PCDHA7: variants seen among roughly 807,000 people sequenced by gnomAD.
PCDHA7 encodes the protein protocadherin alpha-7.
Under a neutral mutation model 57.2 loss-of-function variants are expected in PCDHA7, and 37 were observed. The observed-to-expected ratio is 0.65, with a 90% CI of 0.50 to 0.85. The LOEUF is 0.85. PCDHA7 is among the 40% of genes least tolerant of loss of function. The pLI is 0.00. For missense variants in PCDHA7, 1,188 were observed against 1,241.8 expected (o/e 0.96, Z 0.65); for synonymous variants, 553 against 558.8 (o/e 0.99, Z 0.15).
intron 1 of PCDHA7, chr5:140,870,539 G>C (rs367673976): frequency 1.2e-5 from 20 of 1,614,040 alleles, no homozygotes; most frequent in Admixed American, 1.7e-5. Context: ...GTGTCGGCGC[G>C]GGACGCGGAC....
intron 1 of PCDHA7, among the ~76,000 whole-genome samples, chr5:140,846,505 G>A (rs1780519041): frequency 6.8e-6 from 1 of 146,968 alleles, no homozygotes; most frequent in Non-Finnish European, 1.5e-5. Flanking sequence ...CTCCCAAGTA[G>A]CTGGGATTAC....
intron 1 of PCDHA7, chr5:140,849,563 G>A: frequency 1.9e-6 from 3 of 1,598,488 alleles, no homozygotes; most frequent in Non-Finnish European, 2.6e-6. Flanking sequence ...AAACGCTCTC[G>A]GTTCCTGTAA....
chr5:140,884,490 G>A (rs2060210547), intron 1 of PCDHA7: 1 of 1,614,064 alleles, frequency 6.2e-7, no homozygotes, highest in Non-Finnish European at 8.5e-7. Flanking sequence ...ACTCTAGTGT[G>A]CTCCAGCGCG....
At chr5:140,861,743 C>T in intron 1 of PCDHA7, 1 of 152,806 alleles carries the variant, frequency 6.5e-6, no homozygotes, top group Non-Finnish European at 1.4e-5. Context: ...CATACTGTGC[C>T]GCAATGATTA....
chr5:140,955,595 A>G (rs1366870361), intron 1 of PCDHA7, among the ~76,000 whole-genome samples: 1 of 152,194 alleles, frequency 6.6e-6, no homozygotes, highest in Admixed American at 6.5e-5. Context: ...TCTTTCTTTT[A>G]TAAATTACCC....
At chr5:140,848,343 C>G (rs1581147757) in intron 1 of PCDHA7, 14 of 898,934 alleles carry the variant, frequency 1.6e-5, no homozygotes, top group Non-Finnish European at 2.1e-5. Context: ...CAGACAAATA[C>G]AGCCCTTTTC....
chr5:140,891,921 C>G (rs1405172226), intron 1 of PCDHA7, among the ~76,000 whole-genome samples: 1 of 152,234 alleles, frequency 6.6e-6, no homozygotes, highest in African/African-American at 2.4e-5. Flanking sequence ...ATGCTGGTGC[C>G]TTGATCTTGG....
chr5:140,837,762 A>G (rs1775250265), intron 1 of PCDHA7, among the ~76,000 whole-genome samples: 2 of 151,650 alleles, frequency 1.3e-5, no homozygotes, highest in Non-Finnish European at 2.9e-5. Context: ...CTGCAACCTG[A>G]AAGTCCTGGG....
At chr5:140,863,601 A>G (rs781889102) in intron 1 of PCDHA7, 1 of 355,024 alleles carries the variant, frequency 2.8e-6, no homozygotes, top group Non-Finnish European at 5.6e-6. Flanking sequence ...TTTCATTCCT[A>G]TTAATGTCCC....
rs949986485 is a variant in PCDHA7 at position 140,855,050 on chromosome 5, T to C, written c.2355+18312T>C. Among the ~76,000 whole-genome samples the C allele has an allele frequency of 5.5e-4, 83 of 150,048 alleles. 4 individuals are homozygous for C. The highest frequency in any genetic ancestry group is 1.9e-3 in the African/African-American group (78 of 41,034). On this transcript the variant is annotated intron_variant, in intron 1 of 3. Transcript: ENST00000525929. ...ATAAAGGATTTTTCTGTAATAGTAC[T>C]TTTCTGTTTTCTTAAATACAGAAAC... is the stretch of plus-strand genomic sequence containing the variant.
chr5:140,971,718 G>A (rs1554233569), intron 1 of PCDHA7, among the ~76,000 whole-genome samples: 3 of 151,796 alleles, frequency 2.0e-5, no homozygotes, highest in Non-Finnish European at 2.9e-5. Flanking sequence ...ATAGATATAT[G>A]TATATCATAC....
intron 1 of PCDHA7, chr5:140,841,300 T>C (rs1305687765): frequency 9.6e-6 from 15 of 1,568,478 alleles, no homozygotes; most frequent in African/African-American, 4.1e-5. Flanking sequence ...TAATATTTTC[T>C]GATAGGAAAC....
chr5:140,841,845 A>G, intron 1 of PCDHA7: 1 of 1,613,930 alleles, frequency 6.2e-7, no homozygotes, highest in Non-Finnish European at 8.5e-7. Context: ...CTTAGCTCTC[A>G]TGATTACTTC....
rs2150304405 is a variant in PCDHA7, at chr5:140,840,185, G to A, written c.2355+3447G>A. On this transcript the variant is annotated intron_variant, in intron 1 of 3. Transcript: ENST00000525929. The stretch of plus-strand genomic sequence containing the variant: ...GGGATGTATACAAATTTTAAATATG[G>A]TAGGCAAAGGAAAAGAAGTCATAAA... 1.2e-3 allele frequency among the ~76,000 whole-genome samples: 185 copies of A among 152,064 alleles called. 3 individuals carry two copies. The highest frequency in any genetic ancestry group is 4.4e-3 in the African/African-American group (182 of 41,478).
chr5:140,938,092 A>G (rs1255638035), intron 1 of PCDHA7, among the ~76,000 whole-genome samples: 4 of 152,034 alleles, frequency 2.6e-5, no homozygotes, highest in African/African-American at 9.7e-5. Context: ...TAGTTTTATT[A>G]TTGTATTTTT....
intron 1 of PCDHA7, among the ~76,000 whole-genome samples, chr5:140,936,910 G>A (rs1221304306): frequency 6.6e-6 from 1 of 152,062 alleles, no homozygotes; most frequent in African/African-American, 2.4e-5. Context: ...TATTGAATCT[G>A]TAGAAAATAT....
At chr5:140,906,966 G>A (rs1401949243) in intron 1 of PCDHA7, among the ~76,000 whole-genome samples, 5 of 152,120 alleles carry the variant, frequency 3.3e-5, no homozygotes, top group African/African-American at 1.2e-4. Context: ...TGGAATCGTG[G>A]TTGTGTCTTC....
intron 1 of PCDHA7, among the ~76,000 whole-genome samples, chr5:140,955,016 T>C (rs1389069329): frequency 6.6e-6 from 1 of 152,226 alleles, no homozygotes; most frequent in Admixed American, 6.5e-5. Context: ...CCCAGCACCA[T>C]TTATTAAATA....
At chr5:140,907,534 T>G (rs2073435289) in intron 1 of PCDHA7, among the ~76,000 whole-genome samples, 1 of 152,204 alleles carries the variant, frequency 6.6e-6, no homozygotes, top group African/African-American at 2.4e-5. Flanking sequence ...CGCTGCCCTT[T>G]CTATGATGGA....
Sources: gnomAD v4.1 joint callset for allele counts (sites outside exome capture counted in the v4.1 genomes callset) on GRCh38, gnomAD v4.1.1 for gene constraint, MANE v1.5 for transcripts, NCBI Gene and HGNC (gene_info 2026-07-23, HGNC 2026-07-21) for gene names.